Variants in SCLT1 observed in about 807,000 individuals in gnomAD.
SCLT1 encodes sodium channel-associated protein 1.
A neutral mutation model predicts 112.8 loss-of-function variants in SCLT1; 78 were observed. The ratio of observed to expected loss-of-function variants is 0.69; its 90% CI spans 0.58 to 0.83. The LOEUF (loss-of-function observed/expected upper bound fraction) is 0.83, where lower values mean the gene tolerates loss of function less well. SCLT1 is among the 40% of genes least tolerant of loss of function. The pLI is 0.00. For missense variants in SCLT1, 747 were observed against 770.4 expected, an observed-to-expected ratio of 0.97 and a Z score of 0.36; for synonymous variants, 257 against 254.7, an observed-to-expected ratio of 1.01 and a Z score of -0.09.
intron 2 of SCLT1, among the ~76,000 whole-genome samples, chr4:129,044,402 T>C (rs1221700472): frequency 6.6e-6 from 1 of 151,916 alleles, no homozygotes. Context: ...CAGTATAATC[T>C]ACCAATTATT....
chr4:128,902,287 G>C (rs7666529), intron 18 of SCLT1, among the ~76,000 whole-genome samples: 110,561 of 152,044 alleles, frequency 0.73, 40,520 homozygotes, highest in African/African-American at 0.82. Context: ...TCATGCATCA[G>C]TTAATAATAG....
chr4:128,999,915 G>A (rs546184940), intron 6 of SCLT1, 121 bp from the exon 7 acceptor site: 2 of 508,424 alleles, frequency 3.9e-6, no homozygotes, highest in East Asian at 3.4e-5. Flanking sequence ...ATAGAACTGT[G>A]TAAAGATGGT....
chr4:128,955,098 T>A (rs1172248250), intron 13 of SCLT1, among the ~76,000 whole-genome samples: 2 of 152,208 alleles, frequency 1.3e-5, no homozygotes, highest in South Asian at 2.1e-4. Context: ...TGATGGTATA[T>A]CATACGTAAA....
At chr4:129,004,090 G>A (rs1411823265) in intron 5 of SCLT1, among the ~76,000 whole-genome samples, 2 of 151,916 alleles carry the variant, frequency 1.3e-5, no homozygotes, top group Non-Finnish European at 2.9e-5. Context: ...GCATTAAATC[G>A]ATCACAATTA....
intron 2 of SCLT1, among the ~76,000 whole-genome samples, chr4:129,065,537 A>G (rs1750402073): frequency 6.6e-6 from 1 of 152,080 alleles, no homozygotes; most frequent in Non-Finnish European, 1.5e-5. Context: ...TTGCTGTAGC[A>G]CAAATGGAGT....
At chr4:129,092,017 C>T (rs1752872218) in intron 1 of SCLT1, among the ~76,000 whole-genome samples, 1 of 152,218 alleles carries the variant, frequency 6.6e-6, no homozygotes, top group Non-Finnish European at 1.5e-5. Context: ...TCCAGTCTCC[C>T]TGTGCCCAAC....
chr4:128,884,874 T>C (rs1732772244), intron 20 of SCLT1, among the ~76,000 whole-genome samples: 3 of 152,170 alleles, frequency 2.0e-5, no homozygotes, highest in Admixed American at 6.5e-5. Context: ...CTTGAACTCT[T>C]GGGCTCAAGC....
chr4:129,071,036 A>G (rs766162449), intron 2 of SCLT1, among the ~76,000 whole-genome samples: 1 of 152,172 alleles, frequency 6.6e-6, no homozygotes, highest in East Asian at 1.9e-4. Flanking sequence ...TTTTGACCCA[A>G]TGCTCAGTCA....
At chr4:128,884,824 T>G (rs1732766904) in intron 20 of SCLT1, among the ~76,000 whole-genome samples, 1 of 152,124 alleles carries the variant, frequency 6.6e-6, no homozygotes, top group Admixed American at 6.6e-5. Flanking sequence ...ATTTTTAATT[T>G]TTTTCAGAGA....
At chr4:129,041,208 T>G (rs1747669428) in intron 4 of SCLT1, among the ~76,000 whole-genome samples, 1 of 152,228 alleles carries the variant, frequency 6.6e-6, no homozygotes, top group Non-Finnish European at 1.5e-5. Context: ...TGTTGCTCTT[T>G]AATTGTCAGC....
intron 18 of SCLT1, among the ~76,000 whole-genome samples, chr4:128,897,618 C>T (rs574170609): frequency 2.4e-4 from 36 of 152,180 alleles, no homozygotes; most frequent in Admixed American, 1.7e-3. Context: ...CATCAACTAA[C>T]GAGCAAAATC....
At chr4:129,053,057 C>T (rs1483390271) in intron 2 of SCLT1, among the ~76,000 whole-genome samples, 2 of 152,108 alleles carry the variant, frequency 1.3e-5, no homozygotes, top group Admixed American at 6.5e-5. Context: ...TTTCTTGATC[C>T]TGAGTTCTAA....
chr4:128,998,829 A>G (rs1743224006), intron 7 of SCLT1, among the ~76,000 whole-genome samples: 2 of 151,918 alleles, frequency 1.3e-5, no homozygotes, highest in East Asian at 3.8e-4. Context: ...TCTAATTATA[A>G]TTACAATAAT....
At chr4:128,947,782 TCTTC>T (rs1293035985) in intron 15 of SCLT1, among the ~76,000 whole-genome samples, 9 of 152,192 alleles carry the variant, frequency 5.9e-5, no homozygotes, top group Admixed American at 5.9e-4. Flanking sequence ...GGGTAAATAT[TCTTC>T]CTAAGTGTGA....
At chr4:129,015,470 A>G (rs1049289875) in intron 5 of SCLT1, among the ~76,000 whole-genome samples, 8 of 152,118 alleles carry the variant, frequency 5.3e-5, no homozygotes, top group Non-Finnish European at 1.2e-4. Context: ...GACTGGCCCT[A>G]TCTGAGCTGG....
intron 2 of SCLT1, among the ~76,000 whole-genome samples, chr4:129,081,867 A>G (rs191780596): frequency 1.7e-3 from 263 of 152,352 alleles, no homozygotes; most frequent in Non-Finnish European, 3.1e-3. Flanking sequence ...AAGGTCCACC[A>G]ATAATTATAC....
chr4:128,909,626 G>A (rs972218618), intron 18 of SCLT1, among the ~76,000 whole-genome samples: 2 of 152,140 alleles, frequency 1.3e-5, no homozygotes, highest in African/African-American at 4.8e-5. Flanking sequence ...CTACTTCACT[G>A]TCAATAATCT....
chr4:128,882,947 G>A (rs1285422041), downstream of SCLT1, among the ~76,000 whole-genome samples: 2 of 152,014 alleles, frequency 1.3e-5, no homozygotes, highest in East Asian at 1.9e-4. Flanking sequence ...AGAAGTTCGA[G>A]ACCAGCCTCA....
chr4:129,071,947 G>A (rs986973520), intron 2 of SCLT1, among the ~76,000 whole-genome samples: 21 of 152,096 alleles, frequency 1.4e-4, no homozygotes, highest in African/African-American at 4.3e-4. Flanking sequence ...CTGTTTTGAT[G>A]TGCTTCCAAG....
Sources: gnomAD v4.1 joint callset for allele counts (sites outside exome capture counted in the v4.1 genomes callset) on GRCh38, gnomAD v4.1.1 for gene constraint, MANE v1.5 for transcripts, NCBI Gene and HGNC (gene_info 2026-07-23, HGNC 2026-07-21) for gene names.